Variants in CNTNAP2 observed in about 807,000 individuals in gnomAD.
The protein encoded by CNTNAP2 is contactin-associated protein-like 2.
Under a neutral mutation model 155.2 loss-of-function variants are expected in CNTNAP2, and 98 were observed. The observed-to-expected ratio is 0.63, with a 90% confidence interval of 0.54 to 0.75. The LOEUF (loss-of-function observed/expected upper bound fraction) is 0.75. Ranked by LOEUF, CNTNAP2 falls within the 30% of genes least tolerant of loss-of-function variation. The probability of loss-of-function intolerance (pLI) is 0.00; values close to 1 mark genes in which losing one functional copy is unlikely to be tolerated. For missense variants in CNTNAP2, 1,727 were observed against 1,688.1 expected (o/e 1.02, Z -0.40); for synonymous variants, 651 against 631.2 (o/e 1.03, Z -0.47).
chr7:146,921,633 C>T (rs118024096), intron 3 of CNTNAP2, among the ~76,000 whole-genome samples: 1 of 152,200 alleles, frequency 6.6e-6, no homozygotes, highest in East Asian at 1.9e-4. Flanking sequence ...TAAATAATCA[C>T]TACTACGAGA....
chr7:147,395,811 G>A, intron 10 of CNTNAP2, 31 bp downstream of exon 10: 1 of 1,609,870 alleles, frequency 6.2e-7, no homozygotes, highest in Non-Finnish European at 8.5e-7. Context: ...ACCTCACGTT[G>A]TCCAAACTTT....
intron 15 of CNTNAP2, among the ~76,000 whole-genome samples, chr7:148,090,142 T>C (rs1803810475): frequency 6.6e-6 from 1 of 151,984 alleles, no homozygotes; most frequent in African/African-American, 2.4e-5. Flanking sequence ...CACCTGAAAC[T>C]GTAAAGCTAC....
At chr7:146,662,369 T>C (rs965850958) in intron 1 of CNTNAP2, among the ~76,000 whole-genome samples, 5 of 152,118 alleles carry the variant, frequency 3.3e-5, no homozygotes, top group Non-Finnish European at 5.9e-5. Flanking sequence ...ACTCCGGACC[T>C]CAGTTGATCC....
chr7:146,405,337 A>C (rs1013990427), intron 1 of CNTNAP2, among the ~76,000 whole-genome samples: 1 of 152,192 alleles, frequency 6.6e-6, no homozygotes, highest in Non-Finnish European at 1.5e-5. Context: ...TGAAACTGTA[A>C]GTTCCATAAG....
At chr7:146,278,695 A>C (rs559549897) in intron 1 of CNTNAP2, among the ~76,000 whole-genome samples, 49 of 152,284 alleles carry the variant, frequency 3.2e-4, no homozygotes, top group Middle Eastern at 3.4e-3. Context: ...GTATAAGCAA[A>C]AAGCAGAAAA....
chr7:147,863,273 G>C (rs1799167552), intron 13 of CNTNAP2, among the ~76,000 whole-genome samples: 1 of 152,106 alleles, frequency 6.6e-6, no homozygotes, highest in South Asian at 2.1e-4. Context: ...CCTTTTTTAT[G>C]ACTGCGTAGT....
At chr7:146,864,897 C>T (rs992445677) in intron 3 of CNTNAP2, among the ~76,000 whole-genome samples, 5 of 146,842 alleles carry the variant, frequency 3.4e-5, no homozygotes, top group Non-Finnish European at 7.4e-5. Context: ...GCTCAAGAGG[C>T]TGAGGTAGGA....
intron 21 of CNTNAP2, among the ~76,000 whole-genome samples, chr7:148,325,966 G>A (rs1797878279): frequency 6.6e-6 from 1 of 152,080 alleles, no homozygotes. Context: ...CATGCCCCAG[G>A]TGAAATACCC....
chr7:146,911,682 G>C (rs1796284044), intron 3 of CNTNAP2, among the ~76,000 whole-genome samples: 1 of 150,136 alleles, frequency 6.7e-6, no homozygotes, highest in East Asian at 2.0e-4. Context: ...GGGAGGGATA[G>C]CATTTGGAGG....
intron 17 of CNTNAP2, among the ~76,000 whole-genome samples, chr7:148,148,087 GGAGA>G (rs1256774705): frequency 6.6e-6 from 1 of 150,978 alleles, no homozygotes; most frequent in East Asian, 1.9e-4. Flanking sequence ...AGGAAGGAAG[GGAGA>G]GAGGGAGGGA....
At chr7:146,294,159 T>C (rs1018934107) in intron 1 of CNTNAP2, among the ~76,000 whole-genome samples, 3 of 152,230 alleles carry the variant, frequency 2.0e-5, no homozygotes, top group African/African-American at 7.2e-5. Context: ...AGAAGTTCTT[T>C]TTAAATACAA....
chr7:147,550,024 G>A (rs1449632962), intron 11 of CNTNAP2, among the ~76,000 whole-genome samples: 1 of 152,102 alleles, frequency 6.6e-6, no homozygotes, highest in Admixed American at 6.6e-5. Flanking sequence ...TTTCATAGAA[G>A]GATTTAGAAG....
intron 21 of CNTNAP2, among the ~76,000 whole-genome samples, chr7:148,290,461 C>T (rs6464867): frequency 6.6e-6 from 1 of 152,076 alleles, no homozygotes; most frequent in East Asian, 1.9e-4. Context: ...CATTTTTTAT[C>T]ATTTTGAAAG....
At chr7:147,803,158 G>C (rs1299570103) in intron 13 of CNTNAP2, among the ~76,000 whole-genome samples, 1 of 152,064 alleles carries the variant, frequency 6.6e-6, no homozygotes, top group Non-Finnish European at 1.5e-5. Flanking sequence ...TTTTTACTGA[G>C]AATTTAAAAA....
chr7:148,358,683 C>G (rs748059360), intron 21 of CNTNAP2, among the ~76,000 whole-genome samples: 1 of 152,070 alleles, frequency 6.6e-6, no homozygotes, highest in African/African-American at 2.4e-5. Context: ...CTTTCAAGCG[C>G]GTAATCAGGA....
intron 1 of CNTNAP2, among the ~76,000 whole-genome samples, chr7:146,436,101 TATAATATAGAAAATACTGTTA>T (rs1212948405): frequency 6.6e-6 from 1 of 152,182 alleles, no homozygotes; most frequent in Admixed American, 6.6e-5. Flanking sequence ...ATTCTTAATT[TATAATATAGAAAATACTGTTA>T]ATTACCTATA....
intron 13 of CNTNAP2, among the ~76,000 whole-genome samples, chr7:147,709,251 C>T (rs1051670288): frequency 6.6e-6 from 1 of 152,168 alleles, no homozygotes; most frequent in African/African-American, 2.4e-5. Flanking sequence ...TACTCCAGAA[C>T]TCCCCTTTGA....
chr7:146,664,595 T>C (rs928804939), intron 1 of CNTNAP2, among the ~76,000 whole-genome samples: 22 of 152,324 alleles, frequency 1.4e-4, no homozygotes, highest in African/African-American at 4.8e-4. Context: ...ATGAAATATA[T>C]TGATCTGTAG....
intron 13 of CNTNAP2, chr7:147,671,613 T>C (rs1272282196): frequency 6.6e-6 from 1 of 152,162 alleles, no homozygotes; most frequent in East Asian, 1.9e-4. Context: ...TTCCCCAAAT[T>C]GTTTCCATGG....
Sources: allele counts gnomAD v4.1 joint callset (sites outside exome capture counted in the v4.1 genomes callset), GRCh38; gene constraint gnomAD v4.1.1; transcripts MANE v1.5; gene names NCBI Gene and HGNC (gene_info 2026-07-23, HGNC 2026-07-21).